IGF1R: variants seen among roughly 807,000 people sequenced by gnomAD.
IGF1R encodes insulin-like growth factor 1 receptor.
A neutral mutation model predicts 144.6 loss-of-function variants in IGF1R; 44 were observed. The observed-to-expected ratio is 0.30, with a 90% CI of 0.24 to 0.39. The LOEUF is 0.39. Ranked by LOEUF, IGF1R falls within the 10% of genes least tolerant of loss-of-function variation. IGF1R has a pLI of 1.00. For missense variants in IGF1R, 1,355 were observed against 1,833.7 expected (o/e 0.74, Z 4.77); for synonymous variants, 795 against 722.8 (o/e 1.10, Z -1.60).
intron 2 of IGF1R, among the ~76,000 whole-genome samples, chr15:98,886,943 G>A (rs770201403): frequency 3.9e-5 from 6 of 152,102 alleles, no homozygotes; most frequent in South Asian, 2.1e-4. Flanking sequence ...TATGCAGTTC[G>A]TCCTCTAACA....
intron 1 of IGF1R, among the ~76,000 whole-genome samples, chr15:98,655,929 G>A (rs962209855): frequency 6.6e-6 from 1 of 152,164 alleles, no homozygotes; most frequent in Non-Finnish European, 1.5e-5. Context: ...TTGGACTCAA[G>A]CGATCCACTC....
At position 98,963,548 on chromosome 15, in the gene IGF1R, T is replaced by A. The variant is rs372503877; in HGVS notation, c.*6106T>A. On this transcript the variant is annotated 3_prime_UTR_variant, in exon 21 of 21. Transcript: ENST00000650285. The stretch of plus-strand genomic sequence containing the variant: ...TGCATGGCACCGTTCGGCATCTGGC[T>A]TGATTGGTCTGGCTGCCGTCATTGT... The A allele has an allele frequency of 4.3e-6, 1 of 233,184 alleles. No individual in the cohort carries two copies. Among genetic ancestry groups the A allele is most frequent in the Non-Finnish European group, 8.5e-6 (1 of 118,064 alleles). The allele number at this position is 233,184 out of a possible 1,614,324, so 14.4% of individuals were successfully genotyped here. A position where few individuals can be genotyped will look rare whatever the true frequency, so the allele number is the denominator to read the frequency against.
chr15:98,768,185 G>T (rs1371234977), intron 2 of IGF1R, among the ~76,000 whole-genome samples: 1 of 152,118 alleles, frequency 6.6e-6, no homozygotes, highest in African/African-American at 2.4e-5. Context: ...ATGAGCTTGT[G>T]TGTTCAGGAA....
chr15:98,909,289 T>C (rs1323267767), intron 6 of IGF1R, among the ~76,000 whole-genome samples: 2 of 121,090 alleles, frequency 1.7e-5, no homozygotes, highest in African/African-American at 5.9e-5. Flanking sequence ...TGAGATGGAG[T>C]CTCACTCTGT....
At chr15:98,712,546 CAT>C (rs2054016941) in intron 2 of IGF1R, among the ~76,000 whole-genome samples, 1 of 151,954 alleles carries the variant, frequency 6.6e-6, no homozygotes, top group Non-Finnish European at 1.5e-5. Flanking sequence ...ACAGCAGTGA[CAT>C]AGCCTCTCTC....
At chr15:98,828,567 G>T (rs930028997) in intron 2 of IGF1R, among the ~76,000 whole-genome samples, 1 of 152,110 alleles carries the variant, frequency 6.6e-6, no homozygotes, top group African/African-American at 2.4e-5. Flanking sequence ...TCAGAGGAGC[G>T]CAGACTTTTC....
chr15:98,957,174 T>C lies in IGF1R; in HGVS notation c.3836T>C (p.Phe1279Ser). The C allele has an allele frequency of 1.9e-6, 3 of 1,614,184 alleles. No homozygotes were observed. Among genetic ancestry groups the C allele is most frequent in the Non-Finnish European group, 2.5e-6 (3 of 1,180,018 alleles). Residue 1279 changes from phenylalanine (F) to serine (S), a missense_variant, in exon 21 of 21, where the codon TTC becomes TCC. By Grantham distance (155) the Phe-to-Ser change is radical. Around this residue, in one of 7 missense-constraint regions of IGF1R, gnomAD observed 219 missense variants for 188.8 expected, o/e 1.16. Transcript: ENST00000650285. ...EMEPGFREVS[F>S]YYSEENKLPE... ...GAGCCTGGCTTCCGGGAGGTCTCCT[T>C]CTACTACAGCGAGGAGAACAAGCTG...
chr15:98,938,173 C>T (rs190376718), intron 17 of IGF1R, among the ~76,000 whole-genome samples: 7 of 152,318 alleles, frequency 4.6e-5, no homozygotes, highest in South Asian at 2.1e-4. Context: ...ACTTTCTGTG[C>T]GTGGCCCCAG....
chr15:98,652,934 CTTTTT>C (rs5814887), intron 1 of IGF1R, among the ~76,000 whole-genome samples: 1 of 143,300 alleles, frequency 7.0e-6, no homozygotes, highest in African/African-American at 2.6e-5. Flanking sequence ...TCAATAAACC[CTTTTT>C]TTTTTTTTTA....
Position 98,922,274 on chromosome 15 carries a change from T to A in IGF1R, c.2328T>A (p.Pro776=). The change falls in exon 11 of 21, where the codon CCT becomes CCA. Residue 776 remains proline (P), a synonymous_variant. Transcript: ENST00000650285. The part of the protein sequence containing the change: ...TDPEELETEY[P]FFESRVDNKE... ...CGGAAGAGCTGGAGACAGAGTACCCTTTCTTTGAGAGCAGAGTGGATAACA... is the reference window on the plus strand; with the variant it reads ...CGGAAGAGCTGGAGACAGAGTACCCATTCTTTGAGAGCAGAGTGGATAACA... 5 of 1,614,140 alleles carry A rather than the reference T, an allele frequency of 3.1e-6. No individual in the cohort carries two copies. The highest frequency in any genetic ancestry group is 3.3e-4 in the Middle Eastern group (2 of 6,062).
At chr15:98,664,962 T>A (rs1288187333) in intron 1 of IGF1R, among the ~76,000 whole-genome samples, 2 of 110,402 alleles carry the variant, frequency 1.8e-5, no homozygotes, top group Admixed American at 9.2e-5. Context: ...CAGCTTCATT[T>A]TTTTTTTTTT....
At chr15:98,871,760 C>T (rs1355411083) in intron 2 of IGF1R, among the ~76,000 whole-genome samples, 2 of 152,206 alleles carry the variant, frequency 1.3e-5, no homozygotes, top group African/African-American at 2.4e-5. Context: ...GAAAAACCCA[C>T]CCCATGATTC....
chr15:98,755,224 G>T (rs2055118540), intron 2 of IGF1R, among the ~76,000 whole-genome samples: 1 of 151,972 alleles, frequency 6.6e-6, no homozygotes, highest in African/African-American at 2.4e-5. Context: ...CTTTTTCTCG[G>T]TGTATGGATA....
At chr15:98,656,307 T>A (rs1439231208) in intron 1 of IGF1R, among the ~76,000 whole-genome samples, 1 of 152,202 alleles carries the variant, frequency 6.6e-6, no homozygotes, top group Non-Finnish European at 1.5e-5. Context: ...CCCAGCACTT[T>A]GGGAGGCCAA....
intron 2 of IGF1R, among the ~76,000 whole-genome samples, chr15:98,858,974 C>G (rs2011990742): frequency 6.6e-6 from 1 of 151,934 alleles, no homozygotes; most frequent in Non-Finnish European, 1.5e-5. Flanking sequence ...CCCTTTGGTT[C>G]TGTTGTGGTT....
At chr15:98,946,036 T>C (rs10438491) in intron 19 of IGF1R, among the ~76,000 whole-genome samples, 95,403 of 151,442 alleles carry the variant, frequency 0.63, 30,485 homozygotes, top group Non-Finnish European at 0.7. Context: ...ATGACGACGA[T>C]GACAGCGTCG....
At chr15:98,757,720 T>C (rs888521037) in intron 2 of IGF1R, among the ~76,000 whole-genome samples, 44 of 152,222 alleles carry the variant, frequency 2.9e-4, no homozygotes, top group Non-Finnish European at 4.0e-4. Flanking sequence ...TGTTTTTAAA[T>C]AGAGCTGGAC....
intron 2 of IGF1R, among the ~76,000 whole-genome samples, chr15:98,811,674 C>T (rs2056592411): frequency 6.6e-6 from 1 of 152,110 alleles, no homozygotes; most frequent in African/African-American, 2.4e-5. Flanking sequence ...CGCCTGTAAT[C>T]CCAGCACTTT....
chr15:98,727,212 T>C (rs55686521), intron 2 of IGF1R, among the ~76,000 whole-genome samples: 45,829 of 152,068 alleles, frequency 0.3, 7,113 homozygotes, highest in South Asian at 0.39. Flanking sequence ...AAGAAAGGTA[T>C]GTGGTTTCCA....
Sources: gnomAD v4.1 joint callset for allele counts (sites outside exome capture counted in the v4.1 genomes callset) on GRCh38, gnomAD v4.1.1 for gene constraint, gnomAD v4.1.1 regional missense constraint, MANE v1.5 for transcripts, NCBI Gene and HGNC (gene_info 2026-07-23, HGNC 2026-07-21) for gene names.